Variants in DLGAP2 observed in about 807,000 individuals in gnomAD.
The protein encoded by DLGAP2 is disks large-associated protein 2.
Under a neutral mutation model 100.3 loss-of-function variants are expected in DLGAP2, and 26 were observed. That is an observed-to-expected ratio of 0.26 (90% CI 0.19 to 0.36). DLGAP2 has a LOEUF of 0.36. Among genes scored for constraint, DLGAP2 ranks in the 10% least tolerant of loss-of-function variants. The pLI is 1.00. For synonymous variants in DLGAP2, 886 were observed against 630.1 expected, an observed-to-expected ratio of 1.41 and a Z score of -6.08; for missense variants, 1,858 against 1,453.2, an observed-to-expected ratio of 1.28 and a Z score of -4.53.
chr8:937,858 C>T (rs1224829233), intron 2 of DLGAP2, among the ~76,000 whole-genome samples: 4 of 152,168 alleles, frequency 2.6e-5, no homozygotes, highest in Non-Finnish European at 5.9e-5. Flanking sequence ...CCTCCAAGTT[C>T]AGTGTCCTGC....
At chr8:1,232,155 T>C (rs1041051342) in intron 2 of DLGAP2, among the ~76,000 whole-genome samples, 2 of 152,192 alleles carry the variant, frequency 1.3e-5, no homozygotes, top group African/African-American at 4.8e-5. Context: ...CCTTCACGAC[T>C]GGGTGGTGCT....
intron 2 of DLGAP2, among the ~76,000 whole-genome samples, chr8:1,102,843 T>A (rs1004429143): frequency 6.6e-6 from 1 of 151,742 alleles, no homozygotes; most frequent in Non-Finnish European, 1.5e-5. Flanking sequence ...TGGGGCCTTG[T>A]GAGTCTCCGG....
At chr8:1,258,438 TG>T (rs959441290) in intron 2 of DLGAP2, among the ~76,000 whole-genome samples, 46 of 103,260 alleles carry the variant, frequency 4.5e-4, no homozygotes, top group Non-Finnish European at 6.8e-4. Flanking sequence ...TGTCGGTGGG[TG>T]GGGGGGAAGA....
intron 2 of DLGAP2, among the ~76,000 whole-genome samples, chr8:1,187,434 G>C (rs375893342): frequency 0.022 from 2,340 of 106,068 alleles, 161 homozygotes; most frequent in African/African-American, 0.077. Context: ...CGTGACGTTT[G>C]CCTCACGGAA....
chr8:1,276,884 G>A (rs1245994895), intron 3 of DLGAP2, among the ~76,000 whole-genome samples: 1 of 152,114 alleles, frequency 6.6e-6, no homozygotes, highest in African/African-American at 2.4e-5. Context: ...TCATGTTGTG[G>A]CAGAGTTTTC....
intron 12 of DLGAP2, among the ~76,000 whole-genome samples, chr8:1,680,146 A>G (rs771716948): frequency 4.6e-5 from 7 of 152,194 alleles, no homozygotes; most frequent in Non-Finnish European, 8.8e-5. Context: ...CAATTTCACA[A>G]AGCTATTTCT....
At chr8:1,690,703 CAAAAAAAAAAAAA>C (rs71190752) in intron 12 of DLGAP2, among the ~76,000 whole-genome samples, 2 of 62,080 alleles carry the variant, frequency 3.2e-5, no homozygotes, top group African/African-American at 5.4e-5. Flanking sequence ...GACCCTATCT[CAAAAAAAAAAAAA>C]AAAAAAAAAA....
chr8:782,408 C>T (rs1322681309), intron 1 of DLGAP2, among the ~76,000 whole-genome samples: 1 of 152,106 alleles, frequency 6.6e-6, no homozygotes, highest in East Asian at 1.9e-4. Context: ...CATACTCTCT[C>T]ACTAGGCCAT....
intron 2 of DLGAP2, among the ~76,000 whole-genome samples, chr8:966,198 T>C (rs968408766): frequency 2.0e-5 from 3 of 152,160 alleles, no homozygotes; most frequent in Non-Finnish European, 2.9e-5. Context: ...TGGGAATCCA[T>C]AGGAATTTGA....
Position 1,460,113 on chromosome 8 carries a change from C to T in DLGAP2, c.107-41253C>T, listed in dbSNP as rs192892362. ...AGCAGGAAGGACGCTGGCATGTGGC[C>T]GGACTCGGTTCTGCGGCCCCGGGCT... On this transcript the variant is annotated intron_variant, in intron 3 of 14. Coordinates refer to ENST00000637795, the MANE Select transcript of DLGAP2 (RefSeq NM_001346810.2). 5.4e-3 allele frequency among the ~76,000 whole-genome samples: 817 copies of T among 152,304 alleles called. 3 individuals are homozygous for T. Among genetic ancestry groups the T allele is most frequent in the Middle Eastern group, 0.024 (7 of 294 alleles).
At chr8:1,368,116 T>G (rs1008609083) in intron 3 of DLGAP2, among the ~76,000 whole-genome samples, 22 of 152,224 alleles carry the variant, frequency 1.4e-4, no homozygotes, top group Non-Finnish European at 2.8e-4. Flanking sequence ...ATTGTATGTA[T>G]GTAGGCATGT....
chr8:911,491 G>A (rs746713065), intron 2 of DLGAP2, among the ~76,000 whole-genome samples: 15 of 150,546 alleles, frequency 1.0e-4, no homozygotes, highest in Non-Finnish European at 1.5e-4. Flanking sequence ...GCTGGAGAAC[G>A]TTGGAAGGAT....
chr8:1,507,161 C>T (rs1799949820), intron 4 of DLGAP2, among the ~76,000 whole-genome samples: 1 of 152,362 alleles, frequency 6.6e-6, no homozygotes, highest in South Asian at 2.1e-4. Flanking sequence ...CGCCTGCACT[C>T]CTCAGCCCTT....
At chr8:746,912 G>C (rs1316213674) in intron 1 of DLGAP2, among the ~76,000 whole-genome samples, 1 of 152,222 alleles carries the variant, frequency 6.6e-6, no homozygotes, top group Non-Finnish European at 1.5e-5. Flanking sequence ...TTAGGGTGAT[G>C]TCGGCCCTGC....
rs1379884354 is a variant in DLGAP2, at chr8:1,707,741, C to A, written c.*6335C>A. 6.6e-6 allele frequency: 1 copy of A among 151,848 alleles called. No homozygotes were observed. Among genetic ancestry groups the A allele is most frequent in the African/African-American group, 2.4e-5 (1 of 41,298 alleles). The allele number at this position is 151,848 out of a possible 1,614,324, so 9.4% of individuals were successfully genotyped here. A position where few individuals can be genotyped will look rare whatever the true frequency, so the allele number is the denominator to read the frequency against. On this transcript the variant is annotated 3_prime_UTR_variant, in exon 15 of 15. Transcript: ENST00000637795. ...TATAGAAATTCAAGGAATGTTAGAA[C>A]CAGGAAACTAGCTGTTTAAAGTTTT...
intron 3 of DLGAP2, among the ~76,000 whole-genome samples, chr8:1,322,716 G>A (rs1305506018): frequency 6.6e-6 from 1 of 152,332 alleles, no homozygotes; most frequent in Non-Finnish European, 1.5e-5. Context: ...TGTTCCTTCA[G>A]CCTAAGATGA....
At position 1,299,252 on chromosome 8, in the gene DLGAP2, T is replaced by C; in HGVS notation, c.106+40369T>C. 1.3e-5 allele frequency among the ~76,000 whole-genome samples: 2 copies of C among 152,118 alleles called. 1 individual carries two copies. The highest frequency in any genetic ancestry group is 2.9e-5 in the Non-Finnish European group (2 of 68,016). ...CCGCCATAGATGCCAGTCCTGACCG[T>C]CCACAGAGGCCCCCACCCGAGGCCA... On this transcript the variant is annotated intron_variant, in intron 3 of 14. Coordinates refer to ENST00000637795, the MANE Select transcript of DLGAP2 (RefSeq NM_001346810.2).
At position 1,475,655 on chromosome 8, in the gene DLGAP2, A is replaced by G. The variant is rs974425492; in HGVS notation, c.107-25711A>G. Among the ~76,000 whole-genome samples the G allele has an allele frequency of 3.3e-5, 5 of 152,150 alleles. No homozygotes were observed. In the South Asian group the frequency reaches 1.0e-3, roughly 32 times the overall value. ...AACATTGCTTGTCATCCCGGGACCCACCGCAAGGCCGAGCGGAGAGGAAGA... is the reference window on the plus strand; with the variant it reads ...AACATTGCTTGTCATCCCGGGACCCGCCGCAAGGCCGAGCGGAGAGGAAGA... On this transcript the variant is annotated intron_variant, in intron 3 of 14. Transcript: ENST00000637795.
At chr8:1,195,451 T>G (rs1036635587) in intron 2 of DLGAP2, among the ~76,000 whole-genome samples, 3 of 152,200 alleles carry the variant, frequency 2.0e-5, no homozygotes, top group Non-Finnish European at 2.9e-5. Flanking sequence ...GGCTGCACAG[T>G]GAACCAGGAC....
Sources: gnomAD v4.1 joint callset for allele counts (sites outside exome capture counted in the v4.1 genomes callset) on GRCh38, gnomAD v4.1.1 for gene constraint, MANE v1.5 for transcripts, NCBI Gene and HGNC (gene_info 2026-07-23, HGNC 2026-07-21) for gene names.